The following LRMDA variants were observed in gnomAD, a reference collection of about 807,000 sequenced individuals.
The protein encoded by LRMDA is leucine-rich melanocyte differentiation-associated protein.
LRMDA carries 18 observed loss-of-function variants against 29.8 expected under a neutral mutation model. That is an observed-to-expected ratio of 0.60 (90% CI 0.42 to 0.90). LRMDA has a LOEUF of 0.90. LRMDA is among the 40% of genes least tolerant of loss of function. LRMDA has a pLI of 0.00. For synonymous variants in LRMDA, 125 were observed against 109.4 expected (o/e 1.14, Z -0.89); for missense variants, 273 against 273.9 (o/e 1.00, Z 0.02).
At chr10:75,658,095 A>G (rs1841701470) in intron 2 of LRMDA, among the ~76,000 whole-genome samples, 1 of 152,260 alleles carries the variant, frequency 6.6e-6, no homozygotes, top group Non-Finnish European at 1.5e-5. Flanking sequence ...CTTGGAGCAC[A>G]TAAAAATAAG....
At chr10:75,593,578 A>G (rs1019010996) in intron 2 of LRMDA, among the ~76,000 whole-genome samples, 3 of 152,276 alleles carry the variant, frequency 2.0e-5, no homozygotes, top group Admixed American at 2.0e-4. Flanking sequence ...GGATAGTTTC[A>G]GTTGTTGCTG....
chr10:75,978,125 C>T (rs1394038434), intron 2 of LRMDA, among the ~76,000 whole-genome samples: 1 of 152,194 alleles, frequency 6.6e-6, no homozygotes, highest in African/African-American at 2.4e-5. Context: ...GGCACTGGAG[C>T]AAGGGATGGA....
intron 2 of LRMDA, among the ~76,000 whole-genome samples, chr10:75,717,212 G>C (rs1264512390): frequency 6.6e-6 from 1 of 152,220 alleles, no homozygotes; most frequent in Non-Finnish European, 1.5e-5. Context: ...AAGCCTTGGG[G>C]AGTCCCCCCC....
intron 6 of LRMDA, among the ~76,000 whole-genome samples, chr10:76,423,887 G>T (rs921481064): frequency 1.3e-5 from 2 of 152,110 alleles, no homozygotes; most frequent in African/African-American, 2.4e-5. Context: ...AGGGGTGAGG[G>T]GAGGTGTCCA....
intron 6 of LRMDA, among the ~76,000 whole-genome samples, chr10:76,356,653 G>T (rs1334179091): frequency 6.6e-6 from 1 of 152,114 alleles, no homozygotes; most frequent in Non-Finnish European, 1.5e-5. Context: ...TCCACTTGTG[G>T]TCACTCACTC....
chr10:75,677,779 T>A (rs536730386), intron 2 of LRMDA, among the ~76,000 whole-genome samples: 109 of 152,316 alleles, frequency 7.2e-4, no homozygotes, highest in African/African-American at 2.6e-3. Flanking sequence ...AACTATGCAC[T>A]GAGTTAAATC....
rs774278007 is a variant in LRMDA, at chr10:75,472,980, G to A, written c.131+34486G>A. Among the ~76,000 whole-genome samples the A allele has an allele frequency of 1.4e-4, 21 of 152,330 alleles. No individual in the cohort carries two copies. The Middle Eastern group carries it at 0.01, about 74-fold the overall frequency. On this transcript the variant is annotated intron_variant, in intron 2 of 6. Transcript: ENST00000611255. ...GAGAAGGAGATTGGCATGATCTGCC[G>A]TGTTGGTCACCTTTAGCTTTGAGTG...
chr10:75,597,984 A>G (rs1036140858), intron 2 of LRMDA, among the ~76,000 whole-genome samples: 1 of 152,058 alleles, frequency 6.6e-6, no homozygotes, highest in African/African-American at 2.4e-5. Context: ...GAGAGAGGAA[A>G]TGAGTTCAAA....
At chr10:76,365,354 C>T (rs1841380364) in intron 6 of LRMDA, among the ~76,000 whole-genome samples, 1 of 151,990 alleles carries the variant, frequency 6.6e-6, no homozygotes, top group Admixed American at 6.6e-5. Context: ...TACTAGTTTA[C>T]ATTTCCACCC....
At chr10:76,413,368 G>A (rs535449775) in intron 6 of LRMDA, among the ~76,000 whole-genome samples, 17 of 152,264 alleles carry the variant, frequency 1.1e-4, no homozygotes, top group South Asian at 8.3e-4. Flanking sequence ...TGGAGTCACC[G>A]TTCTACCTGG....
rs191723266 is a variant in LRMDA, at chr10:76,295,278, A to T, written c.517-29123A>T. 1.8e-3 allele frequency among the ~76,000 whole-genome samples: 272 copies of T among 152,338 alleles called. 2 individuals carry two copies. The highest frequency in any genetic ancestry group is 2.6e-4 in the Non-Finnish European group (18 of 68,030). Reference sequence around the variant, plus strand: ...ATTGTTCTGGAAGAGCTAAGAGCAGAGCTGGAAGACCATTTTTGTAAGGCA... The same window carrying T: ...ATTGTTCTGGAAGAGCTAAGAGCAGTGCTGGAAGACCATTTTTGTAAGGCA... On this transcript the variant is annotated intron_variant, in intron 5 of 6. Transcript: ENST00000611255.
intron 5 of LRMDA, among the ~76,000 whole-genome samples, chr10:76,092,604 A>G (rs1849247982): frequency 2.6e-5 from 4 of 152,238 alleles, no homozygotes. Flanking sequence ...GACAGACGCT[A>G]TGTGAATTAC....
intron 6 of LRMDA, among the ~76,000 whole-genome samples, chr10:76,379,005 C>A (rs780772261): frequency 1.3e-5 from 2 of 151,790 alleles, no homozygotes; most frequent in Non-Finnish European, 2.9e-5. Flanking sequence ...TACAGGCATG[C>A]GCCACCACGC....
intron 2 of LRMDA, among the ~76,000 whole-genome samples, chr10:75,847,618 A>T (rs1844661872): frequency 6.6e-6 from 1 of 152,210 alleles, no homozygotes; most frequent in Non-Finnish European, 1.5e-5. Context: ...AGTTAAATCC[A>T]GAATATATAA....
intron 5 of LRMDA, among the ~76,000 whole-genome samples, chr10:76,275,489 A>C (rs1457250423): frequency 6.6e-6 from 1 of 151,956 alleles, no homozygotes; most frequent in Non-Finnish European, 1.5e-5. Flanking sequence ...TTTATTTCCT[A>C]TGAGTCTTAA....
intron 2 of LRMDA, among the ~76,000 whole-genome samples, chr10:75,511,897 GCCTC>G (rs1233639448): frequency 6.6e-6 from 1 of 152,176 alleles, no homozygotes; most frequent in Admixed American, 6.5e-5. Context: ...CTCCTCTTCT[GCCTC>G]CCTCTGTAAG....
chr10:75,636,130 T>C (rs960686957), intron 2 of LRMDA, among the ~76,000 whole-genome samples: 2 of 151,844 alleles, frequency 1.3e-5, no homozygotes, highest in African/African-American at 4.9e-5. Flanking sequence ...TCCACCTATG[T>C]ACCTATGTGT....
chr10:76,297,824 GA>G (rs1447525716), intron 5 of LRMDA, among the ~76,000 whole-genome samples: 4 of 152,166 alleles, frequency 2.6e-5, no homozygotes, highest in African/African-American at 9.7e-5. Context: ...TTCATCCAGA[GA>G]GAAAAGGATT....
intron 2 of LRMDA, among the ~76,000 whole-genome samples, chr10:75,643,703 C>T (rs4746315): frequency 0.66 from 99,602 of 152,052 alleles, 33,639 homozygotes; most frequent in South Asian, 0.74. Context: ...AGACCTCTTC[C>T]AACATTAGAA....
Sources: allele counts gnomAD v4.1 joint callset (sites outside exome capture counted in the v4.1 genomes callset), GRCh38; gene constraint gnomAD v4.1.1; transcripts MANE v1.5; gene names NCBI Gene and HGNC (gene_info 2026-07-23, HGNC 2026-07-21).